CCDC158: variants seen among roughly 807,000 people sequenced by gnomAD.
CCDC158 encodes the protein coiled-coil domain containing 158.
A neutral mutation model predicts 138.6 loss-of-function variants in CCDC158; 116 were observed. That is an observed-to-expected ratio of 0.84 (90% confidence interval 0.72 to 0.98). CCDC158 has a LOEUF of 0.98. Ranked by LOEUF, CCDC158 falls within the 50% of genes least tolerant of loss-of-function variation. CCDC158 has a pLI of 0.00. For synonymous variants in CCDC158, 436 were observed against 442.4 expected (o/e 0.99, Z 0.18); for missense variants, 1,265 against 1,306.1 (o/e 0.97, Z 0.48).
chr4:76,348,682 AC>A (rs1303796233), intron 18 of CCDC158, among the ~76,000 whole-genome samples: 1 of 152,216 alleles, frequency 6.6e-6, no homozygotes, highest in Non-Finnish European at 1.5e-5. Context: ...ACTAAATACC[AC>A]AATTTCTAAA....
chr4:76,394,923 T>C (rs1001195184), intron 4 of CCDC158, among the ~76,000 whole-genome samples: 5 of 151,882 alleles, frequency 3.3e-5, no homozygotes, highest in African/African-American at 1.2e-4. Flanking sequence ...ACACTTGGAG[T>C]GTCCTGGGTC....
At chr4:76,342,986 G>A (rs1237037514) in intron 18 of CCDC158, among the ~76,000 whole-genome samples, 2 of 152,138 alleles carry the variant, frequency 1.3e-5, no homozygotes, top group African/African-American at 4.8e-5. Context: ...ATATACTCAG[G>A]TGATTACTCA....
In CCDC158 at chr4:76,325,739, CAGTT is replaced by C. The variant is rs1720459699; in HGVS notation, c.3169+114_3169+117del. On this transcript the variant is annotated intron_variant, in intron 23 of 24. Coordinates refer to ENST00000682701, the MANE Select transcript of CCDC158 (RefSeq NM_001394954.1). ...AAGACCTGTTTAAATTACACAGAAT[CAGTT>C]AGAGCTTACACATAAGAGCAGCATG... 9.5e-6 allele frequency: 7 copies of C among 740,196 alleles called. No individual in the cohort carries two copies. The South Asian group carries it at 1.2e-4, about 13-fold the overall frequency. 45.9% of individuals were successfully genotyped at this position (740,196 alleles called of 1,614,324 possible).
At position 76,367,658 on chromosome 4, in the gene CCDC158, A is replaced by T. The variant is rs1724817659; in HGVS notation, c.1466T>A (p.Met489Lys). 1.9e-6 allele frequency: 3 copies of T among 1,613,930 alleles called. No homozygotes were observed. Among genetic ancestry groups the T allele is most frequent in the Middle Eastern group, 1.6e-4 (1 of 6,084 alleles). The change falls in exon 12 of 25, where the codon ATG (methionine) becomes AAG (lysine). Residue 489 changes from methionine to lysine, a missense_variant. Met to Lys is a moderately conservative substitution (Grantham distance 95). Coordinates refer to ENST00000682701, the MANE Select transcript of CCDC158 (RefSeq NM_001394954.1). The part of the protein sequence containing the change: ...KVVEELTAKK[M>K]TLESSERTIS... ...TGTCCTCTCTGAGCTCTCCAGAGTC[A>T]TTTTCTTGGCTGTCAACTCTTCTAC... is the stretch of plus-strand genomic sequence containing the variant.
chr4:76,386,347 T>C (rs1271902211), intron 4 of CCDC158, among the ~76,000 whole-genome samples: 1 of 152,250 alleles, frequency 6.6e-6, no homozygotes, highest in African/African-American at 2.4e-5. Flanking sequence ...ACACTTCAGC[T>C]GTGACAGGAA....
intron 18 of CCDC158, among the ~76,000 whole-genome samples, chr4:76,347,008 C>T (rs1049062108): frequency 6.6e-6 from 1 of 151,886 alleles, no homozygotes; most frequent in Non-Finnish European, 1.5e-5. Flanking sequence ...GAATGGCGAT[C>T]TTAAAAAGTC....
intron 3 of CCDC158, among the ~76,000 whole-genome samples, chr4:76,398,270 T>A (rs551792763): frequency 6.6e-6 from 1 of 152,320 alleles, no homozygotes; most frequent in African/African-American, 2.4e-5. Context: ...TCACAAGGTT[T>A]CAAAAGATAC....
At chr4:76,397,884 C>T (rs1314594033) in intron 3 of CCDC158, among the ~76,000 whole-genome samples, 1 of 152,142 alleles carries the variant, frequency 6.6e-6, no homozygotes, top group African/African-American at 2.4e-5. Context: ...ACAAGGGCTT[C>T]CTAGCAAGAT....
chr4:76,360,764 C>T (rs1724054084), intron 13 of CCDC158, among the ~76,000 whole-genome samples: 2 of 152,168 alleles, frequency 1.3e-5, no homozygotes, highest in South Asian at 4.1e-4. Flanking sequence ...ATTTTATAGG[C>T]TCATAGGTAG....
chr4:76,339,217 C>A (rs753678797), intron 18 of CCDC158, among the ~76,000 whole-genome samples: 2 of 152,066 alleles, frequency 1.3e-5, no homozygotes, highest in African/African-American at 4.8e-5. Context: ...GCCACCACTT[C>A]GTCAAATGTG....
rs1723445978 is a variant in CCDC158, at chr4:76,355,385, T to C, written c.2225A>G (p.Gln742Arg). 1.2e-6 allele frequency: 2 copies of C among 1,613,900 alleles called. No homozygotes were observed. The highest frequency in any genetic ancestry group is 1.7e-6 in the Non-Finnish European group (2 of 1,179,970). The stretch of plus-strand genomic sequence containing the variant: ...TATCTTGCTCTGAAGGGCATCTATC[T>C]GACCTCTTTTGGCTGTGATTTGCTT... ...MQKQITAKRG[Q>R]IDALQSKIQF... is the part of the protein sequence containing the mutation. The change falls in exon 15 of 25, where the codon CAG becomes CGG. Residue 742 changes from glutamine (Q) to arginine (R), a missense_variant. Transcript: ENST00000682701.
intron 19 of CCDC158, among the ~76,000 whole-genome samples, chr4:76,333,411 C>T (rs891729379): frequency 6.6e-6 from 1 of 152,156 alleles, no homozygotes; most frequent in Non-Finnish European, 1.5e-5. Context: ...GTAAAACCCA[C>T]TCTCTGAAAG....
chr4:76,413,763 C>T (rs373244746), intron 1 of CCDC158, among the ~76,000 whole-genome samples: 1 of 152,072 alleles, frequency 6.6e-6, no homozygotes, highest in Admixed American at 6.5e-5. Context: ...TCTATGATTT[C>T]CCATGGAAAA....
chr4:76,399,036 T>A (rs1431554554), intron 3 of CCDC158, among the ~76,000 whole-genome samples: 1 of 152,220 alleles, frequency 6.6e-6, no homozygotes, highest in Non-Finnish European at 1.5e-5. Flanking sequence ...TATAATAATG[T>A]GATTTGAGAA....
At chr4:76,313,605 G>T (rs7660542) in intron 24 of CCDC158, among the ~76,000 whole-genome samples, 33,673 of 151,974 alleles carry the variant, frequency 0.22, 3,923 homozygotes, top group Middle Eastern at 0.29. Context: ...TGTTTTAAAT[G>T]GGCATGATAA....
intron 12 of CCDC158, among the ~76,000 whole-genome samples, chr4:76,362,631 A>G (rs1195827391): frequency 1.3e-5 from 2 of 152,208 alleles, no homozygotes. Context: ...CACTCAAAAA[A>G]TACATATTAA....
At chr4:76,363,672 T>G (rs1724378002) in intron 12 of CCDC158, among the ~76,000 whole-genome samples, 2 of 151,258 alleles carry the variant, frequency 1.3e-5, no homozygotes, top group African/African-American at 4.9e-5. Context: ...AGGGCTGGAG[T>G]GAAGTGAGCT....
Position 76,367,476 on chromosome 4 carries a change from A to G in CCDC158, c.1648T>C (p.Cys550Arg), listed in dbSNP as rs762444231. ...GDHLRNVQTE[C>R]EALKLQMTEK... Reference sequence around the variant, plus strand: ...GTCATCTGCAGTTTGAGGGCCTCACATTCTGTCTGCACATTTCTGAGATGA... The same window carrying G: ...GTCATCTGCAGTTTGAGGGCCTCACGTTCTGTCTGCACATTTCTGAGATGA... The change falls in exon 12 of 25, where the codon TGT becomes CGT. Residue 550 changes from cysteine to arginine, a missense_variant. Cys to Arg is a radical substitution (Grantham distance 180). Transcript: ENST00000682701. 1 of 1,614,224 alleles carries G rather than the reference A, an allele frequency of 6.2e-7. No homozygotes were observed. Among genetic ancestry groups the G allele is most frequent in the South Asian group, 1.1e-5 (1 of 91,086 alleles).
chr4:76,343,596 C>T (rs1722262319), intron 18 of CCDC158, among the ~76,000 whole-genome samples: 1 of 152,216 alleles, frequency 6.6e-6, no homozygotes, highest in Non-Finnish European at 1.5e-5. Flanking sequence ...AGGCGGATCA[C>T]TTGAGACCAG....
Sources: allele counts gnomAD v4.1 joint callset (sites outside exome capture counted in the v4.1 genomes callset), GRCh38; gene constraint gnomAD v4.1.1; transcripts MANE v1.5; gene names NCBI Gene and HGNC (gene_info 2026-07-23, HGNC 2026-07-21).